The following SLC1A2 variants were observed in gnomAD, a reference collection of about 807,000 sequenced individuals.
The protein encoded by SLC1A2 is excitatory amino acid transporter 2.
A neutral mutation model predicts 48.8 loss-of-function variants in SLC1A2; 15 were observed. The ratio of observed to expected loss-of-function variants is 0.31; its 90% CI spans 0.21 to 0.47. The LOEUF (loss-of-function observed/expected upper bound fraction) is 0.47. SLC1A2 is among the 20% of genes least tolerant of loss of function. SLC1A2 has a pLI of 0.99. For synonymous variants in SLC1A2, 279 were observed against 272.6 expected (o/e 1.02, Z -0.23); for missense variants, 502 against 730.5 (o/e 0.69, Z 3.61).
At chr11:35,379,625 C>T (rs1336957451) in intron 1 of SLC1A2, among the ~76,000 whole-genome samples, 1 of 152,194 alleles carries the variant, frequency 6.6e-6, no homozygotes, top group African/African-American at 2.4e-5. Context: ...ATCGCCTTTC[C>T]CAGTGAAAAG....
At chr11:35,301,191 T>C (rs1212149460) in intron 6 of SLC1A2, among the ~76,000 whole-genome samples, 1 of 152,100 alleles carries the variant, frequency 6.6e-6, no homozygotes, top group Non-Finnish European at 1.5e-5. Flanking sequence ...AAGAAAGAAA[T>C]TTCTGTTGTT....
intron 1 of SLC1A2, among the ~76,000 whole-genome samples, chr11:35,360,885 T>TA (rs976584598): frequency 2.9e-4 from 43 of 150,858 alleles, no homozygotes; most frequent in Non-Finnish European, 4.7e-4. Context: ...TTATTATTAT[T>TA]TTTTTTTTGA....
chr11:35,317,261 C>A (rs1348189630), intron 2 of SLC1A2, 116 bp downstream of exon 2: 3 of 1,156,386 alleles, frequency 2.6e-6, no homozygotes, highest in South Asian at 1.5e-5. Flanking sequence ...GGGCCCTAGG[C>A]AAACCACGTG....
chr11:35,359,782 T>G (rs16927404), intron 1 of SLC1A2, among the ~76,000 whole-genome samples: 1,979 of 152,344 alleles, frequency 0.013, 99 homozygotes, highest in East Asian at 0.091. Context: ...GAAAATCAGA[T>G]TATATTTCCC....
In SLC1A2 at chr11:35,340,489, C is replaced by T. The variant is rs114505144; in HGVS notation, c.18-22973G>A. 1.6e-3 allele frequency among the ~76,000 whole-genome samples: 247 copies of T among 152,338 alleles called. 1 individual carries two copies. Among genetic ancestry groups the T allele is most frequent in the African/African-American group, 5.8e-3 (240 of 41,576 alleles). On this transcript the variant is annotated intron_variant, in intron 1 of 10. Coordinates refer to ENST00000278379, the MANE Select transcript of SLC1A2 (RefSeq NM_004171.4). ...AGAGCTGTCCTGCACAATTCTGAAT[C>T]ACACACATATTCTGTAGGAAGAACC... is the stretch of plus-strand genomic sequence containing the variant.
chr11:35,404,001 G>A (rs187071110), intron 1 of SLC1A2, among the ~76,000 whole-genome samples: 83 of 100,680 alleles, frequency 8.2e-4, no homozygotes, highest in African/African-American at 2.7e-3. Context: ...GCTCCTCCAC[G>A]GGCGCCTCCT....
intron 1 of SLC1A2, among the ~76,000 whole-genome samples, chr11:35,372,493 C>G (rs1034010330): frequency 2.6e-5 from 4 of 152,208 alleles, no homozygotes; most frequent in African/African-American, 9.6e-5. Flanking sequence ...AGATATTTAT[C>G]CTCAGTTTCA....
At chr11:35,273,162 A>G (rs1850332167) in intron 9 of SLC1A2, among the ~76,000 whole-genome samples, 1 of 152,224 alleles carries the variant, frequency 6.6e-6, no homozygotes, top group South Asian at 2.1e-4. Context: ...TAGAAACAAA[A>G]CATAGCACCT....
intron 1 of SLC1A2, among the ~76,000 whole-genome samples, chr11:35,387,159 G>C (rs535545679): frequency 6.6e-6 from 1 of 152,250 alleles, no homozygotes; most frequent in South Asian, 2.1e-4. Context: ...CTTGATCCTG[G>C]TCAATCAATC....
intron 1 of SLC1A2, among the ~76,000 whole-genome samples, chr11:35,407,667 G>C (rs897728254): frequency 6.6e-6 from 1 of 152,198 alleles, no homozygotes; most frequent in Non-Finnish European, 1.5e-5. Context: ...CCTTGAAATT[G>C]ACTAATCCAA....
intron 1 of SLC1A2, among the ~76,000 whole-genome samples, chr11:35,417,824 T>C (rs1400438668): frequency 1.3e-5 from 2 of 152,180 alleles, no homozygotes; most frequent in African/African-American, 2.4e-5. Context: ...AGTCTAGAGA[T>C]CTGGCTTTGG....
At chr11:35,390,634 G>A (rs1299848238) in intron 1 of SLC1A2, 2 of 151,020 alleles carry the variant, frequency 1.3e-5, no homozygotes, top group African/African-American at 2.4e-5. Context: ...ATCATAACTT[G>A]GATATATTGA....
chr11:35,345,413 T>C (rs1852992482), intron 1 of SLC1A2, among the ~76,000 whole-genome samples: 4 of 152,250 alleles, frequency 2.6e-5, no homozygotes. Flanking sequence ...GATTGCACTG[T>C]CTGAAGATCA....
intron 1 of SLC1A2, among the ~76,000 whole-genome samples, chr11:35,397,526 A>G (rs961798362): frequency 4.5e-4 from 69 of 151,758 alleles, no homozygotes; most frequent in Admixed American, 1.6e-3. Context: ...ACAAAAATCA[A>G]TTCAAGATGG....
intron 1 of SLC1A2, among the ~76,000 whole-genome samples, chr11:35,335,513 C>A (rs1443481027): frequency 2.0e-5 from 3 of 152,146 alleles, no homozygotes; most frequent in Admixed American, 1.3e-4. Flanking sequence ...CCTGGGCATG[C>A]CATTTAGCTG....
intron 1 of SLC1A2, among the ~76,000 whole-genome samples, chr11:35,325,896 G>A (rs1260312856): frequency 6.6e-6 from 1 of 151,230 alleles, no homozygotes; most frequent in African/African-American, 2.4e-5. Flanking sequence ...CCCAGGAGGT[G>A]GAGGTTGCAG....
Position 35,286,963 on chromosome 11 carries a change from G to C in SLC1A2, c.1092-12C>G, listed in dbSNP as rs779730774. Reference sequence around the variant, plus strand: ...GCAAAGTTCCAGCACTGAGAACAAAGAGAAAGAGAGAGACAGGGTTATGTC... The same window carrying C: ...GCAAAGTTCCAGCACTGAGAACAAACAGAAAGAGAGAGACAGGGTTATGTC... On this transcript the variant is annotated splice_polypyrimidine_tract_variant and intron_variant, in intron 7 of 10. Coordinates refer to ENST00000278379, the MANE Select transcript of SLC1A2 (RefSeq NM_004171.4). The C allele has an allele frequency of 6.2e-7, 1 of 1,608,958 alleles. No individual in the cohort carries two copies. The highest frequency in any genetic ancestry group is 8.5e-7 in the Non-Finnish European group (1 of 1,175,580).
chr11:35,415,393 G>A (rs1398033434), intron 1 of SLC1A2, among the ~76,000 whole-genome samples: 1 of 152,208 alleles, frequency 6.6e-6, no homozygotes, highest in African/African-American at 2.4e-5. Flanking sequence ...AACATGAAAT[G>A]GTTTTCTCAT....
At chr11:35,350,494 A>C (rs1853211878) in intron 1 of SLC1A2, among the ~76,000 whole-genome samples, 2 of 152,234 alleles carry the variant, frequency 1.3e-5, no homozygotes, top group South Asian at 2.1e-4. Context: ...AAGGTTGTGA[A>C]TCTTGCCCAA....
Sources: gnomAD v4.1 joint callset for allele counts (sites outside exome capture counted in the v4.1 genomes callset) on GRCh38, gnomAD v4.1.1 for gene constraint, MANE v1.5 for transcripts, NCBI Gene and HGNC (gene_info 2026-07-23, HGNC 2026-07-21) for gene names.